Variants in SNED1 observed in about 807,000 individuals in gnomAD.
SNED1 encodes sushi, nidogen and EGF-like domain-containing protein 1.
In SNED1, 81 loss-of-function variants were observed where a neutral mutation model predicts 166.7. The ratio of observed to expected loss-of-function variants is 0.49; its 90% confidence interval spans 0.41 to 0.58. The LOEUF (loss-of-function observed/expected upper bound fraction) is 0.58. Among genes scored for constraint, SNED1 ranks in the 20% least tolerant of loss-of-function variants. The pLI is 0.00. For synonymous variants in SNED1, 762 were observed against 822.0 expected, an observed-to-expected ratio of 0.93 and a Z score of 1.25; for missense variants, 1,604 against 2,000.2, an observed-to-expected ratio of 0.80 and a Z score of 3.78.
Position 240,999,070 on chromosome 2 carries a change from G to A in SNED1, c.213+20G>A. On this transcript the variant is annotated intron_variant, in intron 1 of 31. Coordinates refer to ENST00000310397, the MANE Select transcript of SNED1 (RefSeq NM_001080437.3). This position sits in a 1 kb window ranked among gnomAD's most constrained non-coding sequence, Gnocchi z 5.8. ...CTCTACGTGAGTAACCCCCGGGCTC[G>A]CGGGGCGCCCGGGAGGGGAGGGAGC... The A allele has an allele frequency of 7.9e-7, 1 of 1,258,366 alleles. No homozygotes were observed. Among genetic ancestry groups the A allele is most frequent in the East Asian group, 3.5e-5 (1 of 28,984 alleles). The allele number at this position is 1,258,366 out of a possible 1,614,324, so 78.0% of individuals were successfully genotyped here. A position where few individuals can be genotyped will look rare whatever the true frequency, so the allele number is the denominator to read the frequency against.
intron 31 of SNED1, chr2:241,089,389 C>A: frequency 1.3e-6 from 2 of 1,550,468 alleles, no homozygotes; most frequent in South Asian, 2.4e-5. Context: ...GGAGAAATGT[C>A]ATTCAGGAAC....
At chr2:241,060,188 T>C (rs952698369) in intron 16 of SNED1, among the ~76,000 whole-genome samples, 1 of 119,240 alleles carries the variant, frequency 8.4e-6, no homozygotes, top group South Asian at 2.6e-4. Context: ...AACTATAAAC[T>C]TTTTTTTTTT....
rs1200995981 is a variant in SNED1, at chr2:241,062,772, T to C, written c.2258-19T>C. On this transcript the variant is annotated intron_variant, in intron 16 of 31. Coordinates refer to ENST00000310397, the MANE Select transcript of SNED1 (RefSeq NM_001080437.3). ...TAATCGTGGCCACATTGCTTTATTC[T>C]TGGGCTCTCTCCTCTCAGAAATCGA... 5.2e-5 allele frequency: 81 copies of C among 1,571,818 alleles called. No individual in the cohort carries two copies. Among genetic ancestry groups the C allele is most frequent in the Non-Finnish European group, 6.9e-5 (79 of 1,149,092 alleles).
In SNED1 at chr2:241,073,555, C is replaced by A; in HGVS notation, c.3916+191C>A. 1.6e-6 allele frequency: 1 copy of A among 634,860 alleles called. No individual in the cohort carries two copies. The highest frequency in any genetic ancestry group is 2.9e-6 in the Non-Finnish European group (1 of 347,120). 39.3% of individuals were successfully genotyped at this position (634,860 alleles called of 1,614,324 possible). On this transcript the variant is annotated intron_variant, in intron 27 of 31. Coordinates refer to ENST00000310397, the MANE Select transcript of SNED1 (RefSeq NM_001080437.3). This position sits in a 1 kb window ranked among gnomAD's most constrained non-coding sequence, Gnocchi z 6.6. ...GCTACACCACCCAAGCAGTGGGACC[C>A]CACAGACGGGAACAGGCCAGGGGGC...
rs184406785 is a variant in SNED1, at chr2:241,078,007, A to G, written c.3917-3670A>G. Among the ~76,000 whole-genome samples the G allele has an allele frequency of 9.2e-5, 14 of 152,306 alleles. No homozygotes were observed. The East Asian group carries it at 2.7e-3, about 29-fold the overall frequency. On this transcript the variant is annotated intron_variant, in intron 27 of 31. Coordinates refer to ENST00000310397, the MANE Select transcript of SNED1 (RefSeq NM_001080437.3). ...CCAAGAGAAATGAAAACCTATGTCC[A>G]CATGAGGTCCTGTACACAAATATTT...
intron 4 of SNED1, chr2:241,035,414 G>T: frequency 6.6e-6 from 1 of 152,466 alleles, no homozygotes; most frequent in Non-Finnish European, 1.5e-5. Context: ...CAGAGCCATA[G>T]ATGGTAGCCT....
Position 241,048,743 on chromosome 2 carries a change from T to A in SNED1, c.1481T>A (p.Phe494Tyr), listed in dbSNP as rs749728250. ...NTTLCQCPLG[F>Y]FGLLCEFEIT... ...ACCCTCTGCCAGTGCCCCCTGGGAT[T>A]CTTTGGGCTTCTCTGTGAATTTGGT... Residue 494 changes from phenylalanine (F) to tyrosine (Y), a missense_variant, in exon 10 of 32, where the codon TTC becomes TAC. Physicochemically the swap from Phe to Tyr is conservative, Grantham distance 22 (BLOSUM62 3). This residue lies in a region of SNED1 where 1,237 missense variants were observed against 1,620.8 expected (regional missense o/e 0.76). Coordinates refer to ENST00000310397, the MANE Select transcript of SNED1 (RefSeq NM_001080437.3). 2 of 1,611,776 alleles carry A rather than the reference T, an allele frequency of 1.2e-6. No homozygotes were observed. Among genetic ancestry groups the A allele is most frequent in the African/African-American group, 1.3e-5 (1 of 74,908 alleles).
At chr2:241,001,094 T>C (rs563119061) in intron 1 of SNED1, among the ~76,000 whole-genome samples, 12 of 152,322 alleles carry the variant, frequency 7.9e-5, no homozygotes, top group Admixed American at 2.6e-4. Context: ...CTTGTCCAGC[T>C]CCAGTCTATA....
chr2:241,026,395 C>A (rs908744515), intron 1 of SNED1, among the ~76,000 whole-genome samples: 1 of 152,198 alleles, frequency 6.6e-6, no homozygotes, highest in Non-Finnish European at 1.5e-5. Flanking sequence ...CTGGAAAATT[C>A]TCACCATTGT....
At chr2:241,088,330 T>C (rs1559318723) in intron 30 of SNED1, 35 bp from the exon 31 acceptor site, 25 of 1,533,756 alleles carry the variant, frequency 1.6e-5, no homozygotes, top group Non-Finnish European at 2.3e-5. Flanking sequence ...ACACAGTCTC[T>C]TTTTCATTAA....
At chr2:241,012,597 A>G (rs1559218178) in intron 1 of SNED1, among the ~76,000 whole-genome samples, 1 of 152,156 alleles carries the variant, frequency 6.6e-6, no homozygotes, top group African/African-American at 2.4e-5. Flanking sequence ...TGGGTCTGCT[A>G]TTGTTGTTGT....
chr2:241,025,205 T>C (rs141905356), intron 1 of SNED1, among the ~76,000 whole-genome samples: 109 of 152,288 alleles, frequency 7.2e-4, no homozygotes, highest in Admixed American at 5.0e-3. Context: ...TATTGTGAAC[T>C]ATGCATGCGA....
rs2062579829 is a variant in SNED1 at position 241,068,828 on chromosome 2, C to T, written c.3195-83C>T. The stretch of plus-strand genomic sequence containing the variant: ...ATGACCTCCCCGCAGTCACCTCCTG[C>T]CTGGGGGAGCTGCGGTCTGGCAGCA... On this transcript the variant is annotated intron_variant, in intron 22 of 31. Coordinates refer to ENST00000310397, the MANE Select transcript of SNED1 (RefSeq NM_001080437.3). The surrounding 1 kb of genome is among the most constrained non-coding windows in gnomAD (Gnocchi z 5.3). 5.1e-6 allele frequency: 5 copies of T among 971,962 alleles called. No individual in the cohort carries two copies. The allele number at this position is 971,962 out of a possible 1,614,324, so 60.2% of individuals were successfully genotyped here.
intron 1 of SNED1, among the ~76,000 whole-genome samples, chr2:241,019,424 A>G (rs2060702543): frequency 6.6e-6 from 1 of 152,242 alleles, no homozygotes; most frequent in Admixed American, 6.5e-5. Context: ...TAGCCAGGGC[A>G]GGCTAATTGG....
intron 16 of SNED1, among the ~76,000 whole-genome samples, chr2:241,055,654 C>G (rs1368398145): frequency 3.3e-5 from 5 of 152,158 alleles, no homozygotes; most frequent in African/African-American, 4.8e-5. Context: ...TGTCATGCTG[C>G]AGGGGCAAGC....
chr2:241,064,625 C>T lies in SNED1; in HGVS notation c.2600-219C>T, dbSNP rs920458481. Among the ~76,000 whole-genome samples, 8 of 152,168 alleles carry T rather than the reference C, an allele frequency of 5.3e-5. No homozygotes were observed. Among genetic ancestry groups the T allele is most frequent in the South Asian group, 4.1e-4 (2 of 4,834 alleles). ...CAGTGTCTCCTCCCCTCAGCCAGTC[C>T]GGCTGGTGGCACTCCGCTGTGGAGG... is the stretch of plus-strand genomic sequence containing the variant. On this transcript the variant is annotated intron_variant, in intron 19 of 31. Coordinates refer to ENST00000310397, the MANE Select transcript of SNED1 (RefSeq NM_001080437.3). The surrounding 1 kb of genome is among the most constrained non-coding windows in gnomAD (Gnocchi z 7.0).
At position 240,999,013 on chromosome 2, in the gene SNED1, C is replaced by T; in HGVS notation, c.176C>T (p.Pro59Leu). Residue 59 changes from proline to leucine, a missense_variant, in exon 1 of 32, where the codon CCC (proline) becomes CTC (leucine). Coordinates refer to ENST00000310397, the MANE Select transcript of SNED1 (RefSeq NM_001080437.3). The surrounding 1 kb of genome is among the most constrained non-coding windows in gnomAD (Gnocchi z 5.8). The stretch of plus-strand genomic sequence containing the variant: ...TCGGGGCTGCGGCCGCTCTCGGTGC[C>T]CTTCCCGTTCTTCGGTGCCGAGCAC... Reference protein sequence around the residue: ...GGSGLRPLSVPFPFFGAEHSG... With the variant: ...GGSGLRPLSVLFPFFGAEHSG... 2.3e-6 allele frequency: 3 copies of T among 1,326,076 alleles called. No individual in the cohort carries two copies. Among genetic ancestry groups the T allele is most frequent in the Non-Finnish European group, 1.9e-6 (2 of 1,035,034 alleles). 82.1% of individuals were successfully genotyped at this position (1,326,076 alleles called of 1,614,324 possible). A position where few individuals can be genotyped will look rare whatever the true frequency, so the allele number is the denominator to read the frequency against.
intron 16 of SNED1, among the ~76,000 whole-genome samples, chr2:241,055,716 C>T (rs902172444): frequency 6.6e-6 from 1 of 152,196 alleles, no homozygotes; most frequent in African/African-American, 2.4e-5. Flanking sequence ...AAGTTCTCAG[C>T]ACCTACCAGG....
rs59981303 is a variant in SNED1 at position 241,047,146 on chromosome 2, CAAAAAAAAAA to C, written c.1274-1155_1274-1146del. ...GCCTGGCAAGAGAGCGAGACTCTGTCAAAAAAAAAAAAAAAAAAAAAAAGTAAATTAGGTA... is the reference window on the plus strand; with the variant it reads ...GCCTGGCAAGAGAGCGAGACTCTGTCAAAAAAAAAAAAAGTAAATTAGGTA... On this transcript the variant is annotated intron_variant, in intron 8 of 31. Coordinates refer to ENST00000310397, the MANE Select transcript of SNED1 (RefSeq NM_001080437.3). Among the ~76,000 whole-genome samples, 4 of 68,178 alleles carry C rather than the reference CAAAAAAAAAA, an allele frequency of 5.9e-5. No individual in the cohort carries two copies. In the South Asian group the frequency reaches 1.4e-3, roughly 24 times the overall value. The allele number at this position is 68,178 out of a possible 152,430, so 44.7% of individuals were successfully genotyped here. A position where few individuals can be genotyped will look rare whatever the true frequency, so the allele number is the denominator to read the frequency against.
Sources: allele counts gnomAD v4.1 joint callset (sites outside exome capture counted in the v4.1 genomes callset), GRCh38; gene constraint gnomAD v4.1.1; regional missense constraint gnomAD v4.1.1; non-coding constraint Gnocchi (gnomAD v3.1); transcripts MANE v1.5; gene names NCBI Gene and HGNC (gene_info 2026-07-23, HGNC 2026-07-21).